Variants in DNAJB6 observed in about 807,000 individuals in gnomAD.
DNAJB6 encodes the protein dnaJ homolog subfamily B member 6.
A neutral mutation model predicts 42.7 loss-of-function variants in DNAJB6; 16 were observed. That is an observed-to-expected ratio of 0.37 (90% confidence interval 0.25 to 0.57). DNAJB6 has a LOEUF of 0.57. DNAJB6 is among the 20% of genes least tolerant of loss of function. The pLI is 0.74. For synonymous variants in DNAJB6, 170 were observed against 163.5 expected (o/e 1.04, Z -0.30); for missense variants, 347 against 416.8 (o/e 0.83, Z 1.46).
At chr7:157,381,947 T>C (rs1453903800) in intron 5 of DNAJB6, 1 of 196,954 alleles carries the variant, frequency 5.1e-6, no homozygotes, top group Non-Finnish European at 1.0e-5. Context: ...TGAAAAGAGC[T>C]GAGTTTGAAG....
chr7:157,338,446 G>T (rs1201985401), intron 1 of DNAJB6, among the ~76,000 whole-genome samples: 1 of 151,952 alleles, frequency 6.6e-6, no homozygotes, highest in Non-Finnish European at 1.5e-5. Flanking sequence ...CGAGTCTCCT[G>T]CCTCAGCCTC....
rs1364905222 is a variant in DNAJB6 at position 157,409,808 on chromosome 7, C to T, written c.705C>T (p.Asp235=). 3.9e-6 allele frequency: 6 copies of T among 1,528,616 alleles called. No homozygotes were observed. The highest frequency in any genetic ancestry group is 4.9e-5 in the East Asian group (2 of 40,608). 94.7% of individuals were successfully genotyped at this position (1,528,616 alleles called of 1,614,324 possible). ...CTGTGCCTGCAGGTGTGGCCGACGA[C>T]GATGCCCTCGCTGAGGAGCGCATGC... ...KSLTINGVAD[D]DALAEERMRR... The change falls in exon 9 of 10, where the codon GAC becomes GAT. Residue 235 remains aspartate, a synonymous_variant. Coordinates refer to ENST00000262177, the MANE Select transcript of DNAJB6 (RefSeq NM_058246.4).
intron 5 of DNAJB6, among the ~76,000 whole-genome samples, chr7:157,368,013 C>T (rs1799927494): frequency 6.6e-6 from 1 of 152,058 alleles, no homozygotes; most frequent in Non-Finnish European, 1.5e-5. Flanking sequence ...CCTGTGGTCC[C>T]AGCTACTTGG....
chr7:157,409,687 G>C, intron 8 of DNAJB6, 108 bp from the exon 9 acceptor site: 3 of 1,223,014 alleles, frequency 2.5e-6, no homozygotes, highest in Non-Finnish European at 3.3e-6. Flanking sequence ...CGGAGATGGC[G>C]CGTCTGGATT....
chr7:157,366,352 T>C (rs1420491328), intron 3 of DNAJB6, 150 bp from the exon 4 acceptor site: 6 of 672,190 alleles, frequency 8.9e-6, no homozygotes, highest in Non-Finnish European at 1.5e-5. Context: ...TCCCTGTTGC[T>C]TTGTTTTGTT....
intron 1 of DNAJB6, among the ~76,000 whole-genome samples, chr7:157,356,931 T>G (rs1198628508): frequency 6.6e-6 from 1 of 152,146 alleles, no homozygotes; most frequent in African/African-American, 2.4e-5. Flanking sequence ...GATAATGTAG[T>G]TTATATACAT....
At chr7:157,375,363 C>T (rs1800419418) in intron 5 of DNAJB6, among the ~76,000 whole-genome samples, 2 of 152,110 alleles carry the variant, frequency 1.3e-5, no homozygotes, top group African/African-American at 2.4e-5. Flanking sequence ...CATGTTGGCT[C>T]TTTTGTATTT....
chr7:157,372,660 G>A (rs572442550), intron 5 of DNAJB6, among the ~76,000 whole-genome samples: 39 of 152,238 alleles, frequency 2.6e-4, no homozygotes, highest in African/African-American at 8.9e-4. Context: ...CGGGCGTCTC[G>A]TAGGCTCTTT....
At chr7:157,345,806 T>A (rs1798653728) in intron 1 of DNAJB6, among the ~76,000 whole-genome samples, 1 of 152,186 alleles carries the variant, frequency 6.6e-6, no homozygotes, top group Non-Finnish European at 1.5e-5. Context: ...TTTTGCCAAG[T>A]GGGGTTCTAA....
intron 8 of DNAJB6, among the ~76,000 whole-genome samples, chr7:157,403,822 C>G (rs909904751): frequency 6.6e-6 from 1 of 152,244 alleles, no homozygotes; most frequent in Non-Finnish European, 1.5e-5. Context: ...GGGGGAAGCG[C>G]AGCCCACCCT....
At chr7:157,344,145 C>A (rs1003595277) in intron 1 of DNAJB6, among the ~76,000 whole-genome samples, 1 of 152,136 alleles carries the variant, frequency 6.6e-6, no homozygotes, top group South Asian at 2.1e-4. Flanking sequence ...TTGAGACCAT[C>A]CTGGCTAGCA....
At position 157,416,126 on chromosome 7, in the gene DNAJB6, C is replaced by T. The variant is rs377063562; in HGVS notation, c.*28C>T. The T allele has an allele frequency of 5.6e-6, 9 of 1,606,252 alleles. No homozygotes were observed. The highest frequency in any genetic ancestry group is 1.3e-5 in the African/African-American group (1 of 74,710). ...CGGACTTGAGGCACGCGGTGCACCCCCAGACGCTGGCGCTCCACCGTGCTC... is the reference window on the plus strand; with the variant it reads ...CGGACTTGAGGCACGCGGTGCACCCTCAGACGCTGGCGCTCCACCGTGCTC... On this transcript the variant is annotated 3_prime_UTR_variant, in exon 10 of 10. Coordinates refer to ENST00000262177, the MANE Select transcript of DNAJB6 (RefSeq NM_058246.4).
At chr7:157,345,298 A>T (rs1289365195) in intron 1 of DNAJB6, among the ~76,000 whole-genome samples, 1 of 152,046 alleles carries the variant, frequency 6.6e-6, no homozygotes, top group Non-Finnish European at 1.5e-5. Flanking sequence ...CTGGCTTAAA[A>T]TTTTTATTTT....
intron 1 of DNAJB6, among the ~76,000 whole-genome samples, chr7:157,349,641 C>T (rs558170163): frequency 6.6e-6 from 1 of 152,196 alleles, no homozygotes; most frequent in African/African-American, 2.4e-5. Flanking sequence ...GCCATCATGC[C>T]TGGCTAATTA....
chr7:157,399,779 C>T (rs1220423306), intron 8 of DNAJB6, among the ~76,000 whole-genome samples: 1 of 152,156 alleles, frequency 6.6e-6, no homozygotes, highest in Non-Finnish European at 1.5e-5. Context: ...AGCAATTCTC[C>T]TGCCTTAGCC....
intron 2 of DNAJB6, among the ~76,000 whole-genome samples, chr7:157,361,163 T>G (rs1169062016): frequency 1.6e-5 from 1 of 63,430 alleles, no homozygotes; most frequent in East Asian, 1.2e-3. Context: ...TGCTACACGT[T>G]TTTTTTTTTT....
At chr7:157,378,268 T>A (rs1800572020) in intron 5 of DNAJB6, 2 of 152,214 alleles carry the variant, frequency 1.3e-5, no homozygotes, top group Admixed American at 1.3e-4. Context: ...AAGAAGTTGG[T>A]AGCACATTTG....
chr7:157,402,402 A>G (rs1795560209), intron 8 of DNAJB6, among the ~76,000 whole-genome samples: 1 of 152,094 alleles, frequency 6.6e-6, no homozygotes, highest in African/African-American at 2.4e-5. Flanking sequence ...CTTGGCCTGC[A>G]GCGAGGCCCC....
intron 8 of DNAJB6, among the ~76,000 whole-genome samples, chr7:157,409,200 C>A (rs1349876467): frequency 6.6e-6 from 1 of 152,150 alleles, no homozygotes; most frequent in Non-Finnish European, 1.5e-5. Flanking sequence ...AATAAAAGCA[C>A]AACTTTTCAG....
Sources: gnomAD v4.1 joint callset for allele counts (sites outside exome capture counted in the v4.1 genomes callset) on GRCh38, gnomAD v4.1.1 for gene constraint, MANE v1.5 for transcripts, NCBI Gene and HGNC (gene_info 2026-07-23, HGNC 2026-07-21) for gene names.